The following SIPA1L1 variants were observed in gnomAD, a reference collection of about 807,000 sequenced individuals.
SIPA1L1 encodes the protein signal-induced proliferation-associated 1-like protein 1.
In SIPA1L1, 26 loss-of-function variants were observed where a neutral mutation model predicts 162.7. That is an observed-to-expected ratio of 0.16 (90% CI 0.12 to 0.22). The LOEUF (loss-of-function observed/expected upper bound fraction) is 0.22, where lower values mean the gene tolerates loss of function less well. Among genes scored for constraint, SIPA1L1 ranks in the 10% least tolerant of loss-of-function variants. The probability of loss-of-function intolerance (pLI) is 1.00; values close to 1 mark genes in which losing one functional copy is unlikely to be tolerated. For missense variants in SIPA1L1, 1,874 were observed against 2,241.0 expected (o/e 0.84, Z 3.31); for synonymous variants, 829 against 837.4 (o/e 0.99, Z 0.17).
At chr14:71,725,616 A>G (rs1321434865) in intron 19 of SIPA1L1, among the ~76,000 whole-genome samples, 2 of 152,062 alleles carry the variant, frequency 1.3e-5, no homozygotes, top group Non-Finnish European at 2.9e-5. Flanking sequence ...ACCTTTGGAA[A>G]CTCACTTAAG....
chr14:71,327,455 T>C (rs2033968542), intron 2 of SIPA1L1, among the ~76,000 whole-genome samples: 1 of 152,232 alleles, frequency 6.6e-6, no homozygotes, highest in Admixed American at 6.5e-5. Context: ...TTCTTGATGC[T>C]CTTAGCTGCT....
chr14:71,461,610 C>T (rs2046608554), intron 2 of SIPA1L1, among the ~76,000 whole-genome samples: 1 of 152,210 alleles, frequency 6.6e-6, no homozygotes, highest in Non-Finnish European at 1.5e-5. Context: ...TCCAATCATC[C>T]TTCATCCAAG....
intron 2 of SIPA1L1, among the ~76,000 whole-genome samples, 165 bp from the exon 3 acceptor site, chr14:71,512,576 ACT>A (rs2051261065): frequency 7.7e-6 from 1 of 129,806 alleles, no homozygotes; most frequent in Non-Finnish European, 1.6e-5. Context: ...ACAGAGCGAG[ACT>A]CTGTCTCAAA....
At position 71,672,457 on chromosome 14, in the gene SIPA1L1, A is replaced by G; in HGVS notation, c.2939A>G (p.Tyr980Cys). 6.2e-7 allele frequency: 1 copy of G among 1,614,192 alleles called. No homozygotes were observed. Among genetic ancestry groups the G allele is most frequent in the Non-Finnish European group, 8.5e-7 (1 of 1,180,034 alleles). Residue 980 changes from tyrosine (Y) to cysteine (C), a missense_variant, in exon 12 of 24, where the codon TAC becomes TGC. This residue lies in a region of SIPA1L1 where 936 missense variants were observed against 1,051.9 expected (regional missense o/e 0.89). Coordinates refer to ENST00000381232, the MANE Select transcript of SIPA1L1 (RefSeq NM_001386936.1). The stretch of plus-strand genomic sequence containing the variant: ...GGCATTGTGGCGGATGTGGAGCCCT[A>G]CGGTTATGCCTGGCAGGCAGGGCTG... ...YEGIVADVEP[Y>C]GYAWQAGLRQ...
At chr14:71,733,601 A>G in intron 20 of SIPA1L1, 65 bp from the exon 21 acceptor site, 1 of 1,498,718 alleles carries the variant, frequency 6.7e-7, no homozygotes, top group East Asian at 2.3e-5. Flanking sequence ...AACAGGAAAG[A>G]GGTAAGTTTT....
intron 13 of SIPA1L1, among the ~76,000 whole-genome samples, chr14:71,690,480 T>G (rs2081178129): frequency 6.6e-6 from 1 of 152,140 alleles, no homozygotes; most frequent in African/African-American, 2.4e-5. Flanking sequence ...ACTCTTAGCC[T>G]CAAGTGATCC....
intron 3 of SIPA1L1, among the ~76,000 whole-genome samples, chr14:71,515,141 T>G (rs1481450249): frequency 6.6e-6 from 1 of 152,318 alleles, no homozygotes; most frequent in East Asian, 1.9e-4. Flanking sequence ...TTCCAAAAAT[T>G]TCATAAAGAA....
intron 2 of SIPA1L1, among the ~76,000 whole-genome samples, chr14:71,444,548 C>G (rs2045197521): frequency 6.6e-6 from 1 of 152,124 alleles, no homozygotes; most frequent in Non-Finnish European, 1.5e-5. Context: ...TCTACAGTTC[C>G]CAGATTGGCA....
chr14:71,397,368 C>T (rs934117602), intron 2 of SIPA1L1, among the ~76,000 whole-genome samples: 1 of 151,998 alleles, frequency 6.6e-6, no homozygotes, highest in African/African-American at 2.4e-5. Flanking sequence ...TCATGTCTCA[C>T]CTAAAAAATT....
At chr14:71,336,527 G>A (rs1189432441) in intron 2 of SIPA1L1, among the ~76,000 whole-genome samples, 1 of 152,098 alleles carries the variant, frequency 6.6e-6, no homozygotes, top group Non-Finnish European at 1.5e-5. Context: ...TTTTGCAAGC[G>A]CTTTAACTTT....
chr14:71,711,267 A>G (rs1597154535), intron 17 of SIPA1L1, among the ~76,000 whole-genome samples: 1 of 152,218 alleles, frequency 6.6e-6, no homozygotes, highest in Non-Finnish European at 1.5e-5. Flanking sequence ...TGTGTTTGCC[A>G]AAGTAGAACA....
chr14:71,690,237 A>G (rs1022996613), intron 13 of SIPA1L1, among the ~76,000 whole-genome samples: 1 of 150,794 alleles, frequency 6.6e-6, no homozygotes, highest in Non-Finnish European at 1.5e-5. Flanking sequence ...TGACTTCCAT[A>G]TTTCTTTTCA....
At chr14:71,397,717 A>G (rs1043944416) in intron 2 of SIPA1L1, among the ~76,000 whole-genome samples, 1 of 152,162 alleles carries the variant, frequency 6.6e-6, no homozygotes, top group African/African-American at 2.4e-5. Flanking sequence ...GCTTCCATCA[A>G]ATGAACTATT....
chr14:71,604,057 C>A (rs1370020425), intron 5 of SIPA1L1, among the ~76,000 whole-genome samples: 1 of 145,256 alleles, frequency 6.9e-6, no homozygotes, highest in Admixed American at 6.9e-5. Context: ...AGTGTAGAGG[C>A]CTGATCTCAG....
chr14:71,672,593 T>C lies in SIPA1L1; in HGVS notation c.3075T>C (p.Ile1025=), dbSNP rs1363705486. 1 of 1,613,844 alleles carries C rather than the reference T, an allele frequency of 6.2e-7. No homozygotes were observed. The highest frequency in any genetic ancestry group is 1.7e-5 in the Admixed American group (1 of 59,992). Residue 1025 remains isoleucine (I), a synonymous_variant, in exon 12 of 24, where the codon ATT becomes ATC. Transcript: ENST00000381232. ...CTGTCACGGTGAAGGTTGTCATCATTCCCCCGCATGATGACTGCACCCCGC... is the reference window on the plus strand; with the variant it reads ...CTGTCACGGTGAAGGTTGTCATCATCCCCCCGCATGATGACTGCACCCCGC... ...RTSVTVKVVI[I]PPHDDCTPRR...
intron 4 of SIPA1L1, among the ~76,000 whole-genome samples, chr14:71,555,012 C>T (rs1372512847): frequency 6.6e-6 from 1 of 152,068 alleles, no homozygotes; most frequent in Non-Finnish European, 1.5e-5. Context: ...ATTAATACCT[C>T]TTATTTTTCT....
At chr14:71,648,596 C>T (rs1394534247) in intron 7 of SIPA1L1, among the ~76,000 whole-genome samples, 1 of 152,114 alleles carries the variant, frequency 6.6e-6, no homozygotes, top group African/African-American at 2.4e-5. Flanking sequence ...ATGTATGACC[C>T]ATATAGTAAT....
intron 7 of SIPA1L1, among the ~76,000 whole-genome samples, chr14:71,649,707 C>T (rs1276504045): frequency 2.0e-5 from 3 of 152,298 alleles, no homozygotes; most frequent in African/African-American, 7.2e-5. Flanking sequence ...TAAAGTTTCT[C>T]TGCAGACACT....
intron 4 of SIPA1L1, among the ~76,000 whole-genome samples, chr14:71,578,224 T>G (rs2033406886): frequency 6.6e-6 from 1 of 152,042 alleles, no homozygotes; most frequent in Non-Finnish European, 1.5e-5. Flanking sequence ...ATTTTTTATT[T>G]TTTAGTAGAG....
Sources: gnomAD v4.1 joint callset for allele counts (sites outside exome capture counted in the v4.1 genomes callset) on GRCh38, gnomAD v4.1.1 for gene constraint, gnomAD v4.1.1 regional missense constraint, MANE v1.5 for transcripts, NCBI Gene and HGNC (gene_info 2026-07-23, HGNC 2026-07-21) for gene names.